Variants in UBE3A observed in about 807,000 individuals in gnomAD.
UBE3A encodes ubiquitin protein ligase E3A.
Under a neutral mutation model 83.4 loss-of-function variants are expected in UBE3A, and 6 were observed. The observed-to-expected ratio is 0.07, with a 90% CI of 0.04 to 0.14. The LOEUF is 0.14. UBE3A is among the 10% of genes least tolerant of loss of function. UBE3A has a pLI of 1.00. For synonymous variants in UBE3A, 337 were observed against 355.4 expected, an observed-to-expected ratio of 0.95 and a Z score of 0.58; for missense variants, 456 against 1,036.1, an observed-to-expected ratio of 0.44 and a Z score of 7.69.
chr15:25,379,428 T>G (rs1487085419), intron 4 of UBE3A, among the ~76,000 whole-genome samples: 2 of 152,192 alleles, frequency 1.3e-5, no homozygotes, highest in African/African-American at 4.8e-5. Context: ...AGTAGCCCTC[T>G]ATATTTGATC....
At chr15:25,348,953 A>C (rs533299567) in intron 11 of UBE3A, among the ~76,000 whole-genome samples, 1 of 152,370 alleles carries the variant, frequency 6.6e-6, no homozygotes, top group African/African-American at 2.4e-5. Context: ...GTTTGTAAAA[A>C]TTAACTGATT....
chr15:25,424,624 G>A (rs1472735513), intron 1 of UBE3A, among the ~76,000 whole-genome samples: 1 of 152,104 alleles, frequency 6.6e-6, no homozygotes, highest in Non-Finnish European at 1.5e-5. Flanking sequence ...TCAGATGGAT[G>A]TGTATGTAGC....
intron 6 of UBE3A, among the ~76,000 whole-genome samples, chr15:25,361,382 T>C (rs1260549774): frequency 2.0e-5 from 3 of 152,068 alleles, no homozygotes; most frequent in African/African-American, 7.2e-5. Context: ...CCTCAGCCTC[T>C]CAAAGTGCTG....
At chr15:25,388,966 A>G (rs2152944477) in intron 4 of UBE3A, among the ~76,000 whole-genome samples, 1 of 152,324 alleles carries the variant, frequency 6.6e-6, no homozygotes, top group Non-Finnish European at 1.5e-5. Context: ...AAAGAAATCA[A>G]ATAACTAAAT....
chr15:25,397,272 G>C (rs192558934), intron 4 of UBE3A, among the ~76,000 whole-genome samples: 3 of 152,254 alleles, frequency 2.0e-5, no homozygotes, highest in Non-Finnish European at 4.4e-5. Flanking sequence ...CTTTAACACA[G>C]CCAAGTAAAA....
At chr15:25,399,342 A>G (rs2086513639) in intron 4 of UBE3A, among the ~76,000 whole-genome samples, 1 of 152,094 alleles carries the variant, frequency 6.6e-6, no homozygotes, top group Non-Finnish European at 1.5e-5. Flanking sequence ...TTCAGGTCTT[A>G]TATTTAAGAC....
Position 25,370,724 on chromosome 15 carries a change from C to T in UBE3A, c.1450G>A (p.Val484Ile). The change falls in exon 6 of 13, where the codon GTC (valine) becomes ATC (isoleucine). Residue 484 changes from valine (V) to isoleucine (I), a missense_variant. Physicochemically the swap from Val to Ile is conservative, Grantham distance 29 (BLOSUM62 3). Transcript: ENST00000648336. The surrounding 1 kb of genome is among the most constrained non-coding windows in gnomAD (Gnocchi z 4.2). The part of the protein sequence containing the change: ...FMTCPFILNA[V>I]TKNLGLYYDN... ...TAATATAATCCCAAATTCTTTGTGA[C>T]AGCATTCAATATAAAGGGACATGTC... 13 of 1,614,062 alleles carry T rather than the reference C, an allele frequency of 8.1e-6. No homozygotes were observed. The highest frequency in any genetic ancestry group is 1.1e-5 in the Non-Finnish European group (13 of 1,179,990).
chr15:25,335,730 C>CAG lies in UBE3A; in HGVS notation c.*3405_*3406dup, dbSNP rs1363034007. On this transcript the variant is annotated 3_prime_UTR_variant, in exon 13 of 13. Coordinates refer to ENST00000648336, the MANE Select transcript of UBE3A (RefSeq NM_130839.5). ...TGAGGTAACAAAGAAATCCCAGAGACAGAGGTCTGAGCAAAAGATATGGGA... is the reference window on the plus strand; with the variant it reads ...TGAGGTAACAAAGAAATCCCAGAGACAGAGAGGTCTGAGCAAAAGATATGGGA... 2 of 152,156 alleles carry CAG rather than the reference C, an allele frequency of 1.3e-5. No individual in the cohort carries two copies. Among genetic ancestry groups the CAG allele is most frequent in the Non-Finnish European group, 2.9e-5 (2 of 68,040 alleles). 9.4% of individuals were successfully genotyped at this position (152,156 alleles called of 1,614,324 possible). A position where few individuals can be genotyped will look rare whatever the true frequency, so the allele number is the denominator to read the frequency against.
intron 4 of UBE3A, among the ~76,000 whole-genome samples, chr15:25,379,859 G>A (rs1005633554): frequency 2.0e-5 from 3 of 152,088 alleles, no homozygotes; most frequent in South Asian, 2.1e-4. Context: ...AGTTTGTAAC[G>A]TGAAAATTAT....
intron 11 of UBE3A, among the ~76,000 whole-genome samples, chr15:25,341,288 G>T (rs966675988): frequency 3.6e-4 from 54 of 151,664 alleles, no homozygotes; most frequent in Non-Finnish European, 1.3e-4. Flanking sequence ...GCCAGGATGG[G>T]TCTCGATCTC....
At chr15:25,380,052 G>T (rs969818843) in intron 4 of UBE3A, among the ~76,000 whole-genome samples, 2 of 151,990 alleles carry the variant, frequency 1.3e-5, no homozygotes, top group Non-Finnish European at 2.9e-5. Flanking sequence ...TCTGAATCAT[G>T]GGGGCAGTTT....
intron 11 of UBE3A, among the ~76,000 whole-genome samples, chr15:25,342,254 G>A (rs895094344): frequency 1.3e-5 from 2 of 151,924 alleles, no homozygotes; most frequent in African/African-American, 2.4e-5. Context: ...ACTGCAGGAG[G>A]GCTCTGAAGC....
intron 11 of UBE3A, among the ~76,000 whole-genome samples, chr15:25,340,854 G>A (rs1054115110): frequency 1.3e-5 from 2 of 152,152 alleles, no homozygotes; most frequent in Non-Finnish European, 2.9e-5. Flanking sequence ...TATGGAGGAG[G>A]AGAATTATTC....
At chr15:25,361,554 A>G (rs1313509326) in intron 6 of UBE3A, among the ~76,000 whole-genome samples, 1 of 152,098 alleles carries the variant, frequency 6.6e-6, no homozygotes, top group Admixed American at 6.6e-5. Flanking sequence ...TAATCATAAA[A>G]TCAACACTAG....
chr15:25,417,156 A>C (rs1018233693), intron 1 of UBE3A, among the ~76,000 whole-genome samples: 22 of 152,136 alleles, frequency 1.4e-4, no homozygotes, highest in African/African-American at 5.3e-4. Flanking sequence ...AAGGACTGGG[A>C]GACTCCTAAA....
intron 6 of UBE3A, among the ~76,000 whole-genome samples, chr15:25,365,399 A>G (rs996160269): frequency 1.1e-4 from 17 of 152,320 alleles, no homozygotes; most frequent in African/African-American, 4.1e-4. Flanking sequence ...AAGTAGAAGC[A>G]ATAATCAGAT....
chr15:25,402,471 G>A (rs1276926521), intron 4 of UBE3A, among the ~76,000 whole-genome samples: 6 of 152,192 alleles, frequency 3.9e-5, no homozygotes, highest in Non-Finnish European at 7.3e-5. Context: ...CACAGGGGCC[G>A]ATCTAGAGGG....
intron 1 of UBE3A, chr15:25,437,975 G>C (rs1895651966): frequency 6.6e-6 from 1 of 152,290 alleles, no homozygotes; most frequent in African/African-American, 2.4e-5. Flanking sequence ...AGTAACCTGT[G>C]CGCACAACCC....
At chr15:25,387,260 G>T (rs2083323804) in intron 4 of UBE3A, among the ~76,000 whole-genome samples, 1 of 152,140 alleles carries the variant, frequency 6.6e-6, no homozygotes, top group African/African-American at 2.4e-5. Flanking sequence ...TGTGGCTCAC[G>T]CCTGTAATCC....
Sources: allele counts gnomAD v4.1 joint callset (sites outside exome capture counted in the v4.1 genomes callset), GRCh38; gene constraint gnomAD v4.1.1; non-coding constraint Gnocchi (gnomAD v3.1); transcripts MANE v1.5; gene names NCBI Gene and HGNC (gene_info 2026-07-23, HGNC 2026-07-21).